The following MED23 variants were observed in gnomAD, a reference collection of about 807,000 sequenced individuals.
MED23 encodes mediator complex subunit 23, also known as mediator of RNA polymerase II transcription subunit 23.
In MED23, 105 loss-of-function variants were observed where a neutral mutation model predicts 163.9. The observed-to-expected ratio is 0.64, with a 90% confidence interval of 0.55 to 0.75. The LOEUF (loss-of-function observed/expected upper bound fraction) is 0.75, where lower values mean the gene tolerates loss of function less well. MED23 is among the 30% of genes least tolerant of loss of function. The pLI is 0.00. For synonymous variants in MED23, 561 were observed against 565.6 expected (o/e 0.99, Z 0.12); for missense variants, 1,054 against 1,649.0 (o/e 0.64, Z 6.25).
At chr6:131,618,565 G>T (rs1476829818) in intron 8 of MED23, 46 bp from the exon 9 acceptor site, 1 of 1,205,270 alleles carries the variant, frequency 8.3e-7, no homozygotes, top group Non-Finnish European at 1.2e-6. Context: ...GAACACAGCA[G>T]TACTTCATTC....
chr6:131,605,134 TG>T, intron 14 of MED23, 105 bp downstream of exon 14: 4 of 1,219,804 alleles, frequency 3.3e-6, no homozygotes, highest in South Asian at 1.4e-5. Flanking sequence ...TTTTCTCAAA[TG>T]TACCTGACTA....
Position 131,597,632 on chromosome 6 carries a change from T to C in MED23, c.2607+655A>G, listed in dbSNP as rs193099843. On this transcript the variant is annotated intron_variant, in intron 20 of 28. Coordinates refer to ENST00000368068, the MANE Select transcript of MED23 (RefSeq NM_004830.4). ...AAGAAACACAGTGACTTACTGCTAC[T>C]TCCTCCCTCTAGTGGGAGTTTTGGA... Among the ~76,000 whole-genome samples, 888 of 151,828 alleles carry C rather than the reference T, an allele frequency of 5.8e-3. 17 individuals are homozygous for C. The highest frequency in any genetic ancestry group is 0.02 in the African/African-American group (836 of 41,112).
Position 131,590,838 on chromosome 6 carries a change from C to G in MED23, c.3687-396G>C, listed in dbSNP as rs576288245. Among the ~76,000 whole-genome samples, 12 of 152,178 alleles carry G rather than the reference C, an allele frequency of 7.9e-5. No individual in the cohort carries two copies. The East Asian group carries it at 1.9e-3, about 25-fold the overall frequency. Reference sequence around the variant, plus strand: ...TTCACCATGTTGGCCAGGATGGTCTCAATCTCCTGACCTTGTGATCCACCC... The same window carrying G: ...TTCACCATGTTGGCCAGGATGGTCTGAATCTCCTGACCTTGTGATCCACCC... On this transcript the variant is annotated intron_variant, in intron 26 of 28. Transcript: ENST00000368068.
rs184383419 is a variant in MED23, at chr6:131,580,027, A to C, written c.4096-5732T>G. Reference sequence around the variant, plus strand: ...GCTATATACGTACATATTGCGGCATATTCAGGTTGCATTATAATTTTCACC... The same window carrying C: ...GCTATATACGTACATATTGCGGCATCTTCAGGTTGCATTATAATTTTCACC... On this transcript the variant is annotated intron_variant, in intron 30 of 30. Transcript: ENST00000354577. Among the ~76,000 whole-genome samples the C allele has an allele frequency of 3.4e-3, 522 of 152,314 alleles. 4 individuals are homozygous for C. The highest frequency in any genetic ancestry group is 3.9e-3 in the Non-Finnish European group (262 of 68,026).
At chr6:131,609,410 T>C (rs1467553535) in intron 11 of MED23, among the ~76,000 whole-genome samples, 2 of 152,058 alleles carry the variant, frequency 1.3e-5, no homozygotes, top group Non-Finnish European at 1.5e-5. Flanking sequence ...GAAACACTTT[T>C]CTTTTTCTCT....
At chr6:131,602,169 G>T in intron 17 of MED23, 49 bp downstream of exon 17, 1 of 1,572,488 alleles carries the variant, frequency 6.4e-7, no homozygotes, top group Non-Finnish European at 8.8e-7. Flanking sequence ...TAGAATCATG[G>T]CACACTTTAA....
chr6:131,587,243 A>T lies in MED23; in HGVS notation c.*436T>A, dbSNP rs557225609. ...ATCTCTATTATTCTGAAAATCTACC[A>T]AGAGATTTATGTATAAAATATTTGT... On this transcript the variant is annotated 3_prime_UTR_variant, in exon 29 of 29. Coordinates refer to ENST00000368068, the MANE Select transcript of MED23 (RefSeq NM_004830.4). 124 of 1,046,218 alleles carry T rather than the reference A, an allele frequency of 1.2e-4. No homozygotes were observed. In the African/African-American group the frequency reaches 2.0e-3, roughly 17 times the overall value. 64.8% of individuals were successfully genotyped at this position (1,046,218 alleles called of 1,614,324 possible).
intron 3 of MED23, among the ~76,000 whole-genome samples, chr6:131,625,919 G>A (rs1039533713): frequency 2.6e-5 from 4 of 151,754 alleles, no homozygotes; most frequent in Admixed American, 2.6e-4. Context: ...TCGGGAGATC[G>A]AGACCAACCT....
Position 131,604,228 on chromosome 6 carries a change from C to T in MED23, c.1706G>A (p.Arg569His), listed in dbSNP as rs779186762. The T allele has an allele frequency of 9.3e-6, 15 of 1,613,624 alleles. No homozygotes were observed. The highest frequency in any genetic ancestry group is 2.2e-5 in the East Asian group (1 of 44,874). The change falls in exon 15 of 29, where the codon CGT becomes CAT. Residue 569 changes from arginine to histidine, a missense_variant. Coordinates refer to ENST00000368068, the MANE Select transcript of MED23 (RefSeq NM_004830.4). Reference sequence around the variant, plus strand: ...CTCTATTTCCATATAGACCAATAAACGACTGTAAGTTTCCACTAGGGCTGG... The same window carrying T: ...CTCTATTTCCATATAGACCAATAAATGACTGTAAGTTTCCACTAGGGCTGG... Reference protein sequence around the residue: ...LAPALVETYSRLLVYMEIESL... With the variant: ...LAPALVETYSHLLVYMEIESL...
chr6:131,621,931 G>A lies in MED23; in HGVS notation c.445C>T (p.Pro149Ser). The A allele has an allele frequency of 6.2e-7, 1 of 1,613,744 alleles. No individual in the cohort carries two copies. Among genetic ancestry groups the A allele is most frequent in the South Asian group, 1.1e-5 (1 of 91,058 alleles). Residue 149 changes from proline to serine, a missense_variant, in exon 6 of 29, where the codon CCT becomes TCT. Physicochemically the swap from Pro to Ser is moderately conservative, Grantham distance 74 (BLOSUM62 -1). Coordinates refer to ENST00000368068, the MANE Select transcript of MED23 (RefSeq NM_004830.4). Reference protein sequence around the residue: ...KVILEKILTIPNTVSSAVVQQ... With the variant: ...KVILEKILTISNTVSSAVVQQ... ...ACAACAGCAGAGCTCACTGTATTAG[G>A]AATTGTCAAAATCTTCTCCAAAATC...
chr6:131,609,505 C>A, intron 11 of MED23, among the ~76,000 whole-genome samples: 1 of 127,238 alleles, frequency 7.9e-6, no homozygotes, highest in African/African-American at 3.3e-5. Flanking sequence ...AGAGACTATT[C>A]CTTTTTTTTT....
intron 30 of MED23, among the ~76,000 whole-genome samples, chr6:131,579,911 C>T (rs1410318680): frequency 1.3e-5 from 2 of 151,882 alleles, no homozygotes; most frequent in East Asian, 3.9e-4. Context: ...CTCTACAGTG[C>T]AAATTTCCTT....
intron 17 of MED23, among the ~76,000 whole-genome samples, chr6:131,601,574 G>GA (rs1332431253): frequency 6.6e-6 from 1 of 152,118 alleles, no homozygotes; most frequent in African/African-American, 2.4e-5. Context: ...CCAATTATCT[G>GA]AAAAAGCTAT....
At chr6:131,581,832 G>T (rs2114542022), downstream of MED23, among the ~76,000 whole-genome samples, 1 of 152,280 alleles carries the variant, frequency 6.6e-6, no homozygotes, top group South Asian at 2.1e-4. Context: ...TAAAATTTCA[G>T]ATATAATGGT....
chr6:131,601,211 G>A (rs1775453542), intron 17 of MED23, among the ~76,000 whole-genome samples: 1 of 152,110 alleles, frequency 6.6e-6, no homozygotes, highest in Non-Finnish European at 1.5e-5. Flanking sequence ...GACCTTTCAA[G>A]TAAAAATTGA....
At chr6:131,615,066 C>CAAAAAAAAAAAAAAAAAAAAAAAAAAAA (rs5880072) in intron 10 of MED23, among the ~76,000 whole-genome samples, 1 of 68,242 alleles carries the variant, frequency 1.5e-5, no homozygotes, top group Non-Finnish European at 2.9e-5. Context: ...TCTTTGTTAC[C>CAAAAAAAAAAAAAAAAAAAAAAAAAAAA]AAAAAAAAAA....
rs575766360 is a variant in MED23, at chr6:131,603,987, C to T, written c.1756+191G>A. Among the ~76,000 whole-genome samples, 82 of 152,272 alleles carry T rather than the reference C, an allele frequency of 5.4e-4. 1 individual carries two copies. The highest frequency in any genetic ancestry group is 1.9e-3 in the African/African-American group (80 of 41,564). ...CCCCCCAACCCTCACACTTCCTATT[C>T]CTTTTTGCTTTATTTTTCTCTATAA... On this transcript the variant is annotated intron_variant, in intron 15 of 28. Coordinates refer to ENST00000368068, the MANE Select transcript of MED23 (RefSeq NM_004830.4).
chr6:131,581,247 GCCAGGGTCC>G lies in MED23; in HGVS notation c.4095+6453_4095+6461del, dbSNP rs1257775697. ...GGCAATTGGAAGCATCTCTGGCCAT[GCCAGGGTCC>G]ACCCTGATCTTGGAGTCATCTGGGT... On this transcript the variant is annotated intron_variant, in intron 30 of 30. Coordinates refer to the MED23 transcript ENST00000354577. 1.9e-6 allele frequency: 3 copies of G among 1,613,862 alleles called. No homozygotes were observed. The Admixed American group carries it at 5.0e-5, about 27-fold the overall frequency.
chr6:131,585,309 C>T (rs1407518077), downstream of MED23, among the ~76,000 whole-genome samples: 1 of 152,170 alleles, frequency 6.6e-6, no homozygotes, highest in Admixed American at 6.5e-5. Context: ...CCAGGGGGTC[C>T]TGTAAAAAAG....
Sources: gnomAD v4.1 joint callset for allele counts (sites outside exome capture counted in the v4.1 genomes callset) on GRCh38, gnomAD v4.1.1 for gene constraint, MANE v1.5 for transcripts, NCBI Gene and HGNC (gene_info 2026-07-23, HGNC 2026-07-21) for gene names.